DNAJC11: variants seen among roughly 807,000 people sequenced by gnomAD.
DNAJC11 encodes the protein dnaJ homolog subfamily C member 11.
A neutral mutation model predicts 78.6 loss-of-function variants in DNAJC11; 15 were observed. The observed-to-expected ratio is 0.19, with a 90% confidence interval of 0.13 to 0.29. The LOEUF (loss-of-function observed/expected upper bound fraction) is 0.29, where lower values mean the gene tolerates loss of function less well. DNAJC11 is among the 10% of genes least tolerant of loss of function. The pLI, the probability that DNAJC11 is intolerant of heterozygous loss-of-function variation, is 1.00. For missense variants in DNAJC11, 547 were observed against 709.6 expected (o/e 0.77, Z 2.60); for synonymous variants, 292 against 272.1 (o/e 1.07, Z -0.72).
At chr1:6,640,742 G>A (rs1641862506) in intron 10 of DNAJC11, among the ~76,000 whole-genome samples, 2 of 152,104 alleles carry the variant, frequency 1.3e-5, no homozygotes, top group African/African-American at 4.8e-5. Flanking sequence ...TGAGTGAGGC[G>A]GGAGAACGCT....
intron 10 of DNAJC11, among the ~76,000 whole-genome samples, chr1:6,643,566 T>C (rs528876381): frequency 1.3e-3 from 193 of 152,204 alleles, no homozygotes; most frequent in African/African-American, 3.8e-3. Context: ...TGAGCCACAG[T>C]GCCCGGCCAA....
At chr1:6,697,331 C>T (rs1642853233) in intron 1 of DNAJC11, among the ~76,000 whole-genome samples, 1 of 152,232 alleles carries the variant, frequency 6.6e-6, no homozygotes, top group Non-Finnish European at 1.5e-5. Flanking sequence ...ATGGGGTCTC[C>T]AACCTTTTAG....
At chr1:6,697,204 C>T (rs1249821914) in intron 1 of DNAJC11, among the ~76,000 whole-genome samples, 6 of 152,252 alleles carry the variant, frequency 3.9e-5, no homozygotes, top group East Asian at 1.9e-4. Context: ...CAGATGATGG[C>T]CCTGCTCTGT....
chr1:6,689,457 G>A (rs542817325), intron 1 of DNAJC11, among the ~76,000 whole-genome samples: 1 of 152,276 alleles, frequency 6.6e-6, no homozygotes, highest in African/African-American at 2.4e-5. Flanking sequence ...TGAACACCTA[G>A]GTGGCGTGAT....
chr1:6,636,005 C>T (rs1641760611), intron 15 of DNAJC11, 112 bp downstream of exon 15: 2 of 1,430,002 alleles, frequency 1.4e-6, no homozygotes, highest in Non-Finnish European at 1.9e-6. Context: ...CGTCTCTGCT[C>T]CCAGGTGGGC....
intron 1 of DNAJC11, among the ~76,000 whole-genome samples, chr1:6,699,786 C>A (rs1480838649): frequency 6.6e-6 from 1 of 152,060 alleles, no homozygotes; most frequent in African/African-American, 2.4e-5. Flanking sequence ...GAGTGATTAG[C>A]CCGAAGTGTT....
chr1:6,637,694 C>A, intron 12 of DNAJC11, 190 bp from the exon 13 acceptor site: 1 of 644,794 alleles, frequency 1.6e-6, no homozygotes. Flanking sequence ...CTAGGGCAGG[C>A]AGCTCTGGGT....
intron 1 of DNAJC11, among the ~76,000 whole-genome samples, chr1:6,698,359 T>C (rs190970467): frequency 2.1e-4 from 32 of 152,322 alleles, no homozygotes; most frequent in Non-Finnish European, 4.3e-4. Flanking sequence ...TCTGACTTTT[T>C]TCCAACTAAA....
In DNAJC11 at chr1:6,647,478, C is replaced by T. The variant is rs557151447; in HGVS notation, c.705-1500G>A. On this transcript the variant is annotated intron_variant, in intron 7 of 15. Coordinates refer to ENST00000377577, the MANE Select transcript of DNAJC11 (RefSeq NM_018198.4). ...CAACTTGATCCAAGGATTAGAGGAC[C>T]GTGGTTAGCAGACATCCATAACTAA... Among the ~76,000 whole-genome samples, 6 of 152,214 alleles carry T rather than the reference C, an allele frequency of 3.9e-5. No homozygotes were observed. The East Asian group carries it at 7.7e-4, about 20-fold the overall frequency.
At chr1:6,662,419 C>T (rs907681705) in intron 4 of DNAJC11, among the ~76,000 whole-genome samples, 1 of 152,106 alleles carries the variant, frequency 6.6e-6, no homozygotes, top group African/African-American at 2.4e-5. Context: ...GTCTCAAACT[C>T]CTGACCTCAG....
chr1:6,644,743 G>T, intron 9 of DNAJC11, 69 bp from the exon 10 acceptor site: 1 of 1,354,814 alleles, frequency 7.4e-7, no homozygotes, highest in Non-Finnish European at 1.1e-6. Flanking sequence ...TGTCATTTGA[G>T]AAGAGGCCAG....
intron 3 of DNAJC11, among the ~76,000 whole-genome samples, chr1:6,672,216 C>G (rs141193387): frequency 6.6e-6 from 1 of 152,126 alleles, no homozygotes; most frequent in South Asian, 2.1e-4. Context: ...AAGTTTGATT[C>G]GCCATAACTT....
Position 6,635,038 on chromosome 1 carries a change from C to G in DNAJC11, c.*637G>C, listed in dbSNP as rs1641734883. 1 of 300,254 alleles carries G rather than the reference C, an allele frequency of 3.3e-6. No homozygotes were observed. Among genetic ancestry groups the G allele is most frequent in the South Asian group, 5.4e-5 (1 of 18,556 alleles). The allele number at this position is 300,254 out of a possible 1,614,324, so 18.6% of individuals were successfully genotyped here. ...GATCGGGAGTTACACTACCCTGTCCCAAGCCGAGGGGGCCGGTGGAATGAC... is the reference window on the plus strand; with the variant it reads ...GATCGGGAGTTACACTACCCTGTCCGAAGCCGAGGGGGCCGGTGGAATGAC... On this transcript the variant is annotated 3_prime_UTR_variant, in exon 16 of 16. Transcript: ENST00000377577.
In DNAJC11 at chr1:6,645,261, G is replaced by T. The variant is rs1641947992; in HGVS notation, c.895-135C>A. The T allele has an allele frequency of 1.6e-6, 1 of 640,780 alleles. No individual in the cohort carries two copies. Among genetic ancestry groups the T allele is most frequent in the Non-Finnish European group, 2.8e-6 (1 of 351,174 alleles). 39.7% of individuals were successfully genotyped at this position (640,780 alleles called of 1,614,324 possible). ...AGGCAGGGGTCACGGTCTGGCAGCC[G>T]CAGTGAGTGCACCATGATTTATTAG... On this transcript the variant is annotated intron_variant, in intron 8 of 15. Transcript: ENST00000377577. This position sits in a 1 kb window ranked among gnomAD's most constrained non-coding sequence, Gnocchi z 4.1.
chr1:6,642,096 G>A (rs1184923571), intron 10 of DNAJC11, among the ~76,000 whole-genome samples: 1 of 152,196 alleles, frequency 6.6e-6, no homozygotes, highest in African/African-American at 2.4e-5. Flanking sequence ...CACCTCATAA[G>A]CAGGAGGGGG....
intron 4 of DNAJC11, among the ~76,000 whole-genome samples, chr1:6,656,851 G>C (rs1307111327): frequency 2.0e-5 from 3 of 152,128 alleles, no homozygotes; most frequent in African/African-American, 7.2e-5. Flanking sequence ...AGGAGGCCAA[G>C]GCTGCAGTGA....
intron 3 of DNAJC11, among the ~76,000 whole-genome samples, chr1:6,675,055 C>T (rs1395283787): frequency 1.3e-5 from 2 of 152,192 alleles, no homozygotes; most frequent in East Asian, 1.9e-4. Flanking sequence ...GTGAGAGAAT[C>T]CTCATATGGA....
chr1:6,637,819 T>A (rs970298342), intron 12 of DNAJC11: 13 of 490,352 alleles, frequency 2.7e-5, no homozygotes, highest in African/African-American at 2.5e-4. Context: ...AAAAAAACAA[T>A]GCGTTGTCAG....
At chr1:6,674,405 A>C (rs1379338637) in intron 3 of DNAJC11, among the ~76,000 whole-genome samples, 1 of 152,086 alleles carries the variant, frequency 6.6e-6, no homozygotes, top group Non-Finnish European at 1.5e-5. Context: ...TACCAAAAAT[A>C]CAAAAATTAG....
Sources: allele counts gnomAD v4.1 joint callset (sites outside exome capture counted in the v4.1 genomes callset), GRCh38; gene constraint gnomAD v4.1.1; non-coding constraint Gnocchi (gnomAD v3.1); transcripts MANE v1.5; gene names NCBI Gene and HGNC (gene_info 2026-07-23, HGNC 2026-07-21).